The following SLC35G1 variants were observed in gnomAD, a reference collection of about 807,000 sequenced individuals.
SLC35G1 encodes solute carrier family 35 member G1.
Under a neutral mutation model 17.1 loss-of-function variants are expected in SLC35G1, and 10 were observed. That is an observed-to-expected ratio of 0.59 (90% CI 0.36 to 0.99). The LOEUF (loss-of-function observed/expected upper bound fraction) is 0.99, where lower values mean the gene tolerates loss of function less well. SLC35G1 is among the 50% of genes least tolerant of loss of function. SLC35G1 has a pLI of 0.01. For missense variants in SLC35G1, 433 were observed against 468.4 expected (o/e 0.92, Z 0.70); for synonymous variants, 185 against 181.1 (o/e 1.02, Z -0.18).
chr10:93,894,060 C>T lies in SLC35G1; in HGVS notation c.27C>T (p.Val9=), dbSNP rs1212491983. The change falls in exon 1 of 3, where the codon GTC becomes GTT. Residue 9 remains valine (V), a synonymous_variant. Transcript: ENST00000427197. ...TGCGGCCTCAGGACAGCACCGGGGT[C>T]GCGGAGCTCCAGGAGCCCGGGCTGC... MRPQDSTG[V]AELQEPGLPL... is the part of the protein sequence containing the mutation. 3 of 1,481,238 alleles carry T rather than the reference C, an allele frequency of 2.0e-6. No homozygotes were observed. The highest frequency in any genetic ancestry group is 1.8e-6 in the Non-Finnish European group (2 of 1,124,256). The allele number at this position is 1,481,238 out of a possible 1,614,324, so 91.8% of individuals were successfully genotyped here.
Position 93,902,559 on chromosome 10 carries a change from GTA to G in SLC35G1, c.*1073_*1074del, listed in dbSNP as rs1167377028. 6.6e-6 allele frequency: 1 copy of G among 152,564 alleles called. No homozygotes were observed. The highest frequency in any genetic ancestry group is 6.5e-5 in the Admixed American group (1 of 15,278). The allele number at this position is 152,564 out of a possible 1,614,324, so 9.5% of individuals were successfully genotyped here. A position where few individuals can be genotyped will look rare whatever the true frequency, so the allele number is the denominator to read the frequency against. ...TCTAAATGAAATAGAAGACTTTGGA[GTA>G]TATGTTTTTAAAGTAATTTTTTAAA... On this transcript the variant is annotated 3_prime_UTR_variant, in exon 3 of 3. Coordinates refer to ENST00000427197, the MANE Select transcript of SLC35G1 (RefSeq NM_001134658.3).
chr10:93,909,677 T>C (rs1047534325), exon 3 of SLC35G1: 3 of 152,150 alleles, frequency 2.0e-5, no homozygotes, highest in Admixed American at 6.5e-5. Context: ...CACTCCTTGT[T>C]CTTTGTATAT....
At position 93,901,003 on chromosome 10, in the gene SLC35G1, C is replaced by T. The variant is rs1279650984; in HGVS notation, c.611C>T (p.Pro204Leu). 2 of 1,613,942 alleles carry T rather than the reference C, an allele frequency of 1.2e-6. No homozygotes were observed. The highest frequency in any genetic ancestry group is 1.7e-6 in the Non-Finnish European group (2 of 1,179,988). Reference protein sequence around the residue: ...ITGVILIVRPPFLFGSDTSGM... With the variant: ...ITGVILIVRPLFLFGSDTSGM... ...GGAGTGATCCTTATCGTGAGACCAC[C>T]ATTTTTGTTTGGTTCCGACACTTCG... is the stretch of plus-strand genomic sequence containing the variant. The change falls in exon 3 of 3, where the codon CCA (proline) becomes CTA (leucine). Residue 204 changes from proline (P) to leucine (L), a missense_variant. Transcript: ENST00000427197.
At chr10:93,894,237 C>G (rs2134062371) in intron 1 of SLC35G1, 26 bp downstream of exon 1, 2 of 1,325,958 alleles carry the variant, frequency 1.5e-6, no homozygotes, top group East Asian at 6.3e-5. Context: ...GGATCGGGCT[C>G]TGGTCTCGCT....
chr10:93,905,280 C>T (rs368644660), downstream of SLC35G1, among the ~76,000 whole-genome samples: 1 of 152,184 alleles, frequency 6.6e-6, no homozygotes, highest in East Asian at 1.9e-4. Flanking sequence ...GGTCTCTGAT[C>T]TAGGTGTGTA....
rs945524352 is a variant in SLC35G1 at position 93,894,082 on chromosome 10, C to G, written c.49C>G (p.Leu17Val). The change falls in exon 1 of 3, where the codon CTG becomes GTG. Residue 17 changes from leucine (L) to valine (V), a missense_variant. Transcript: ENST00000427197. ...GGTCGCGGAGCTCCAGGAGCCCGGGCTGCCGCTAACGGACGATGCACCCCC... is the reference window on the plus strand; with the variant it reads ...GGTCGCGGAGCTCCAGGAGCCCGGGGTGCCGCTAACGGACGATGCACCCCC... ...TGVAELQEPG[L>V]PLTDDAPPGA... The G allele has an allele frequency of 7.4e-6, 11 of 1,486,346 alleles. No individual in the cohort carries two copies. The highest frequency in any genetic ancestry group is 9.8e-6 in the Non-Finnish European group (11 of 1,126,308). 92.1% of individuals were successfully genotyped at this position (1,486,346 alleles called of 1,614,324 possible).
downstream of SLC35G1, among the ~76,000 whole-genome samples, chr10:93,905,606 G>C (rs1286868272): frequency 6.6e-6 from 1 of 152,148 alleles, no homozygotes; most frequent in Non-Finnish European, 1.5e-5. Context: ...TAGCAAGAGG[G>C]TAAGGAGAAG....
rs1350682668 is a variant in SLC35G1, at chr10:93,902,703, C to A, written c.*1213C>A. 1.3e-5 allele frequency: 2 copies of A among 152,440 alleles called. No individual in the cohort carries two copies. The highest frequency in any genetic ancestry group is 6.6e-5 in the Admixed American group (1 of 15,250). The allele number at this position is 152,440 out of a possible 1,614,324, so 9.4% of individuals were successfully genotyped here. ...CATGTTTGATTGACTTTCATAGTTT[C>A]CTGCATTGAAATAAAATCACTATGA... is the stretch of plus-strand genomic sequence containing the variant. On this transcript the variant is annotated 3_prime_UTR_variant, in exon 3 of 3. Coordinates refer to ENST00000427197, the MANE Select transcript of SLC35G1 (RefSeq NM_001134658.3).
chr10:93,902,503 T>C lies in SLC35G1; in HGVS notation c.*1013T>C, dbSNP rs1297480320. On this transcript the variant is annotated 3_prime_UTR_variant, in exon 3 of 3. Transcript: ENST00000427197. ...AACTTAGAAAAACCATCGTTTCATA[T>C]GATTCACCCTAATAGATACCTCCAT... 1 of 152,616 alleles carries C rather than the reference T, an allele frequency of 6.6e-6. No homozygotes were observed. The highest frequency in any genetic ancestry group is 1.9e-4 in the East Asian group (1 of 5,206). The allele number at this position is 152,616 out of a possible 1,614,324, so 9.5% of individuals were successfully genotyped here.
downstream of SLC35G1, among the ~76,000 whole-genome samples, chr10:93,906,810 C>G (rs2060432054): frequency 2.0e-5 from 3 of 152,116 alleles, no homozygotes; most frequent in South Asian, 6.2e-4. Flanking sequence ...AGGACCCTTT[C>G]AAAGTGTTTG....
At chr10:93,894,851 C>T (rs1469694237) in intron 1 of SLC35G1, among the ~76,000 whole-genome samples, 1 of 152,154 alleles carries the variant, frequency 6.6e-6, no homozygotes, top group Non-Finnish European at 1.5e-5. Context: ...CCCCCTCCTT[C>T]GACACATGAG....
rs896810144 is a variant in SLC35G1, at chr10:93,901,353, G to A, written c.961G>A (p.Asp321Asn). The stretch of plus-strand genomic sequence containing the variant: ...GCCAGTAGCAATAATGAAGACAATG[G>A]ATGTGGTCTTTGCTTTTATCTTTCA... ...AGPVAIMKTM[D>N]VVFAFIFQII... Residue 321 changes from aspartate to asparagine, a missense_variant, in exon 3 of 3, where the codon GAT (aspartate) becomes AAT (asparagine). Transcript: ENST00000427197. 6.2e-7 allele frequency: 1 copy of A among 1,613,926 alleles called. No homozygotes were observed. The highest frequency in any genetic ancestry group is 8.5e-7 in the Non-Finnish European group (1 of 1,179,960).
Position 93,901,316 on chromosome 10 carries a change from A to G in SLC35G1, c.924A>G (p.Ile308Met), listed in dbSNP as rs781771196. The G allele has an allele frequency of 1.2e-6, 2 of 1,614,012 alleles. No homozygotes were observed. The highest frequency in any genetic ancestry group is 2.2e-5 in the South Asian group (2 of 91,042). The change falls in exon 3 of 3, where the codon ATA (isoleucine) becomes ATG (methionine). Residue 308 changes from isoleucine (I) to methionine (M), a missense_variant. Transcript: ENST00000427197. ...TATTTATCACAAAAGCACTTCAAAT[A>G]GAAAAAGCAGGGCCAGTAGCAATAA... ...GQIFITKALQIEKAGPVAIMK... is the reference protein window; with the variant it reads ...GQIFITKALQMEKAGPVAIMK...
chr10:93,903,153 G>C lies in SLC35G1; in HGVS notation c.*1663G>C, dbSNP rs1316265296. ...GTTCCAATGGGGGAATTTTTGGCTT[G>C]CTGATTTTATCAATTGCCTTGACAC... On this transcript the variant is annotated 3_prime_UTR_variant, in exon 3 of 3. Transcript: ENST00000427197. 1.3e-5 allele frequency: 2 copies of C among 152,120 alleles called. No individual in the cohort carries two copies. The highest frequency in any genetic ancestry group is 1.5e-5 in the Non-Finnish European group (1 of 68,016). The allele number at this position is 152,120 out of a possible 1,614,324, so 9.4% of individuals were successfully genotyped here. A position where few individuals can be genotyped will look rare whatever the true frequency, so the allele number is the denominator to read the frequency against.
rs771952748 is a variant in SLC35G1, at chr10:93,894,048, C to G, written c.15C>G (p.Asp5Glu). 1 of 1,477,342 alleles carries G rather than the reference C, an allele frequency of 6.8e-7. No individual in the cohort carries two copies. The highest frequency in any genetic ancestry group is 1.3e-5 in the South Asian group (1 of 77,796). 91.5% of individuals were successfully genotyped at this position (1,477,342 alleles called of 1,614,324 possible). The part of the protein sequence containing the change: MRPQ[D>E]STGVAELQEP... ...CGTGCCGCGAGATGCGGCCTCAGGACAGCACCGGGGTCGCGGAGCTCCAGG... is the reference window on the plus strand; with the variant it reads ...CGTGCCGCGAGATGCGGCCTCAGGAGAGCACCGGGGTCGCGGAGCTCCAGG... The change falls in exon 1 of 3, where the codon GAC becomes GAG. Residue 5 changes from aspartate to glutamate, a missense_variant. By Grantham distance (45) the Asp-to-Glu change is conservative (BLOSUM62 2). Transcript: ENST00000427197.
chr10:93,903,499 G>T lies in SLC35G1; in HGVS notation c.*2009G>T, dbSNP rs931576309. Reference sequence around the variant, plus strand: ...TTAACTCTCAGGGAACCCTCTTCCAGTTCTTTACCTTGCACAGTGAAAGAA... The same window carrying T: ...TTAACTCTCAGGGAACCCTCTTCCATTTCTTTACCTTGCACAGTGAAAGAA... On this transcript the variant is annotated 3_prime_UTR_variant, in exon 3 of 3. Coordinates refer to ENST00000427197, the MANE Select transcript of SLC35G1 (RefSeq NM_001134658.3). 1 of 152,184 alleles carries T rather than the reference G, an allele frequency of 6.6e-6. No homozygotes were observed. The highest frequency in any genetic ancestry group is 1.5e-5 in the Non-Finnish European group (1 of 68,042). The allele number at this position is 152,184 out of a possible 1,614,324, so 9.4% of individuals were successfully genotyped here.
rs2060399338 is a variant in SLC35G1 at position 93,902,581 on chromosome 10, T to C, written c.*1091T>C. The C allele has an allele frequency of 6.6e-6, 1 of 152,654 alleles. No individual in the cohort carries two copies. The highest frequency in any genetic ancestry group is 2.1e-4 in the South Asian group (1 of 4,834). 9.5% of individuals were successfully genotyped at this position (152,654 alleles called of 1,614,324 possible). ...GGAGTATATGTTTTTAAAGTAATTT[T>C]TTAAAATATGGTAATGTATTAAACT... On this transcript the variant is annotated 3_prime_UTR_variant, in exon 3 of 3. Transcript: ENST00000427197.
At position 93,894,093 on chromosome 10, in the gene SLC35G1, G is replaced by A. The variant is rs1042595214; in HGVS notation, c.60G>A (p.Thr20=). 4 of 1,489,206 alleles carry A rather than the reference G, an allele frequency of 2.7e-6. No homozygotes were observed. Among genetic ancestry groups the A allele is most frequent in the Middle Eastern group, 4.6e-4 (2 of 4,360 alleles). The allele number at this position is 1,489,206 out of a possible 1,614,324, so 92.2% of individuals were successfully genotyped here. ...AELQEPGLPL[T]DDAPPGATEE... ...TCCAGGAGCCCGGGCTGCCGCTAACGGACGATGCACCCCCGGGCGCCACTG... is the reference window on the plus strand; with the variant it reads ...TCCAGGAGCCCGGGCTGCCGCTAACAGACGATGCACCCCCGGGCGCCACTG... The change falls in exon 1 of 3, where the codon ACG becomes ACA. Residue 20 remains threonine, a synonymous_variant. Coordinates refer to ENST00000427197, the MANE Select transcript of SLC35G1 (RefSeq NM_001134658.3).
At chr10:93,907,046 AT>A (rs1254465473), downstream of SLC35G1, 1 of 152,158 alleles carries the variant, frequency 6.6e-6, no homozygotes, top group Non-Finnish European at 1.5e-5. Context: ...GAAAATAGTT[AT>A]TTTTTATTAA....
Sources: gnomAD v4.1 joint callset for allele counts (sites outside exome capture counted in the v4.1 genomes callset) on GRCh38, gnomAD v4.1.1 for gene constraint, MANE v1.5 for transcripts, NCBI Gene and HGNC (gene_info 2026-07-23, HGNC 2026-07-21) for gene names.